EPHB1: variants seen among roughly 807,000 people sequenced by gnomAD.
EPHB1 encodes the protein ephrin type-B receptor 1.
In EPHB1, 30 loss-of-function variants were observed where a neutral mutation model predicts 94.4. That is an observed-to-expected ratio of 0.32 (90% CI 0.24 to 0.43). The LOEUF (loss-of-function observed/expected upper bound fraction) is 0.43, where lower values mean the gene tolerates loss of function less well. Among genes scored for constraint, EPHB1 ranks in the 20% least tolerant of loss-of-function variants. EPHB1 has a pLI of 1.00. For missense variants in EPHB1, 1,055 were observed against 1,308.3 expected (o/e 0.81, Z 2.99); for synonymous variants, 522 against 489.1 (o/e 1.07, Z -0.89).
chr3:134,921,684 A>G (rs2038689653), intron 1 of EPHB1, among the ~76,000 whole-genome samples: 1 of 152,260 alleles, frequency 6.6e-6, no homozygotes, highest in African/African-American at 2.4e-5. Context: ...ATCATATAGA[A>G]TATACCATAT....
chr3:134,890,338 A>G (rs1307980703), intron 1 of EPHB1, among the ~76,000 whole-genome samples: 1 of 152,208 alleles, frequency 6.6e-6, no homozygotes, highest in Non-Finnish European at 1.5e-5. Context: ...AGATCCATCC[A>G]TGTTGAGACA....
chr3:135,216,220 G>T (rs1431372969), intron 12 of EPHB1, among the ~76,000 whole-genome samples: 1 of 152,142 alleles, frequency 6.6e-6, no homozygotes, highest in Non-Finnish European at 1.5e-5. Flanking sequence ...CCAGCACAAA[G>T]CTCCACACCA....
Position 135,248,392 on chromosome 3 carries a change from T to C in EPHB1, c.2573T>C (p.Leu858Pro). The change falls in exon 14 of 16, where the codon CTG becomes CCG. Residue 858 changes from leucine to proline, a missense_variant. Transcript: ENST00000398015. ...CCAGCTGCTCTACACCAGCTCATGC[T>C]GGACTGTTGGCAGAAGGACCGGAAC... ...DCPAALHQLM[L>P]DCWQKDRNSR... The C allele has an allele frequency of 6.2e-7, 1 of 1,613,910 alleles. No homozygotes were observed. Among genetic ancestry groups the C allele is most frequent in the Non-Finnish European group, 8.5e-7 (1 of 1,179,862 alleles).
intron 3 of EPHB1, among the ~76,000 whole-genome samples, chr3:135,007,229 T>C (rs1418560936): frequency 6.6e-6 from 1 of 152,202 alleles, no homozygotes; most frequent in Non-Finnish European, 1.5e-5. Context: ...GTAGCAATTC[T>C]CTAGACACTC....
At chr3:135,011,023 C>T (rs2107748781) in intron 3 of EPHB1, among the ~76,000 whole-genome samples, 1 of 152,336 alleles carries the variant, frequency 6.6e-6, no homozygotes, top group Middle Eastern at 3.4e-3. Context: ...CCACCCACCT[C>T]CCACCCTCCA....
At chr3:135,114,785 C>T (rs926550070) in intron 4 of EPHB1, among the ~76,000 whole-genome samples, 6 of 146,640 alleles carry the variant, frequency 4.1e-5, no homozygotes. Context: ...ATTTGGCATA[C>T]AGGAATAATT....
At chr3:135,227,483 T>G (rs949915684) in intron 12 of EPHB1, among the ~76,000 whole-genome samples, 5 of 152,186 alleles carry the variant, frequency 3.3e-5, no homozygotes, top group Admixed American at 1.3e-4. Flanking sequence ...CCATACATAA[T>G]GATCTACTCA....
intron 3 of EPHB1, among the ~76,000 whole-genome samples, chr3:134,989,032 A>C (rs1934699504): frequency 6.6e-6 from 1 of 152,306 alleles, no homozygotes; most frequent in African/African-American, 2.4e-5. Flanking sequence ...GCTGTCTATC[A>C]TGCTCTATTT....
chr3:134,850,670 C>T (rs1194904766), intron 1 of EPHB1, among the ~76,000 whole-genome samples: 1 of 152,330 alleles, frequency 6.6e-6, no homozygotes, highest in East Asian at 1.9e-4. Flanking sequence ...GCGGGCAGTT[C>T]ATGCCAGCCC....
At chr3:134,972,852 G>A (rs998694796) in intron 3 of EPHB1, among the ~76,000 whole-genome samples, 6 of 152,060 alleles carry the variant, frequency 3.9e-5, no homozygotes, top group Non-Finnish European at 8.8e-5. Context: ...TTCTTGAATG[G>A]GAGCAGGCCA....
At position 135,037,101 on chromosome 3, in the gene EPHB1, A is replaced by T. The variant is rs142755386; in HGVS notation, c.806-69347A>T. 6.9e-3 allele frequency among the ~76,000 whole-genome samples: 1,049 copies of T among 152,324 alleles called. 12 individuals are homozygous for T. The highest frequency in any genetic ancestry group is 0.024 in the African/African-American group (994 of 41,550). ...ATATCGCCACCCTCATCCCAGGCCC[A>T]GTAATGAGAGAATTAGCACATGCTG... On this transcript the variant is annotated intron_variant, in intron 3 of 15. Coordinates refer to ENST00000398015, the MANE Select transcript of EPHB1 (RefSeq NM_004441.5).
At chr3:134,950,882 T>C (rs1933001353) in intron 2 of EPHB1, among the ~76,000 whole-genome samples, 1 of 152,222 alleles carries the variant, frequency 6.6e-6, no homozygotes, top group Non-Finnish European at 1.5e-5. Context: ...TGAAAAGCTT[T>C]AAATTCATGT....
intron 1 of EPHB1, among the ~76,000 whole-genome samples, chr3:134,849,856 C>T (rs1353854445): frequency 6.6e-6 from 1 of 152,200 alleles, no homozygotes; most frequent in African/African-American, 2.4e-5. Context: ...CGCTACATAT[C>T]TGCCTTTACT....
intron 1 of EPHB1, among the ~76,000 whole-genome samples, chr3:134,798,472 C>T (rs568333396): frequency 2.0e-5 from 3 of 152,300 alleles, no homozygotes; most frequent in African/African-American, 4.8e-5. Context: ...AGCTCCTCTT[C>T]CCTCCTTTCC....
chr3:134,983,430 A>G (rs888618345), intron 3 of EPHB1, among the ~76,000 whole-genome samples: 1 of 152,236 alleles, frequency 6.6e-6, no homozygotes, highest in Non-Finnish European at 1.5e-5. Context: ...TTCAGTTCTC[A>G]TCATGGCTCA....
chr3:134,808,166 A>G (rs1374840001), intron 1 of EPHB1, among the ~76,000 whole-genome samples: 1 of 152,236 alleles, frequency 6.6e-6, no homozygotes, highest in African/African-American at 2.4e-5. Flanking sequence ...CTTTCTCATG[A>G]GATGTTCATG....
At position 134,951,973 on chromosome 3, in the gene EPHB1, G is replaced by A; in HGVS notation, c.726G>A (p.Gly242=). 6.2e-7 allele frequency: 1 copy of A among 1,614,024 alleles called. No homozygotes were observed. The part of the protein sequence containing the change: ...VDVPIKLYCN[G]DGEWMVPIGR... Reference sequence around the variant, plus strand: ...TGCCCATCAAACTCTACTGCAACGGGGATGGGGAATGGATGGTGCCTATTG... The same window carrying A: ...TGCCCATCAAACTCTACTGCAACGGAGATGGGGAATGGATGGTGCCTATTG... Residue 242 remains glycine, a synonymous_variant, in exon 3 of 16, where the codon GGG becomes GGA. Transcript: ENST00000398015. This position sits in a 1 kb window ranked among gnomAD's most constrained non-coding sequence, Gnocchi z 4.5.
rs369483622 is a variant in EPHB1 at position 135,166,975 on chromosome 3, C to T, written c.1728C>T (p.Ser576=). 54 of 1,613,970 alleles carry T rather than the reference C, an allele frequency of 3.3e-5. No homozygotes were observed. Among genetic ancestry groups the T allele is most frequent in the African/African-American group, 5.3e-5 (4 of 74,910 alleles). Reference sequence around the variant, plus strand: ...CTTATAGCAAAGAGGCTGTGTACAGCGATAAGCTCCAGCATTACAGCACAG... The same window carrying T: ...CTTATAGCAAAGAGGCTGTGTACAGTGATAAGCTCCAGCATTACAGCACAG... ...KRAYSKEAVY[S]DKLQHYSTGR... Residue 576 remains serine, a synonymous_variant, in exon 9 of 16, where the codon AGC becomes AGT. Coordinates refer to ENST00000398015, the MANE Select transcript of EPHB1 (RefSeq NM_004441.5).
intron 1 of EPHB1, among the ~76,000 whole-genome samples, chr3:134,816,942 G>A (rs1170744887): frequency 6.6e-6 from 1 of 152,006 alleles, no homozygotes; most frequent in African/African-American, 2.4e-5. Flanking sequence ...ACCCAGCAGA[G>A]CAAGGAAAGG....
Sources: gnomAD v4.1 joint callset for allele counts (sites outside exome capture counted in the v4.1 genomes callset) on GRCh38, gnomAD v4.1.1 for gene constraint, Gnocchi (gnomAD v3.1) non-coding constraint, MANE v1.5 for transcripts, NCBI Gene and HGNC (gene_info 2026-07-23, HGNC 2026-07-21) for gene names.